TRDMT1: variants seen among roughly 807,000 people sequenced by gnomAD.
The protein encoded by TRDMT1 is tRNA aspartic acid methyltransferase 1.
In TRDMT1, 49 loss-of-function variants were observed where a neutral mutation model predicts 51.2. The ratio of observed to expected loss-of-function variants is 0.96; its 90% CI spans 0.76 to 1.21. TRDMT1 has a LOEUF of 1.21. TRDMT1 is among the 50% of genes most tolerant of loss of function. TRDMT1 has a pLI of 0.00. For synonymous variants in TRDMT1, 187 were observed against 164.6 expected, an observed-to-expected ratio of 1.14 and a Z score of -1.04; for missense variants, 534 against 462.3, an observed-to-expected ratio of 1.16 and a Z score of -1.42.
chr10:17,187,442 C>G (rs1002490486), intron 1 of TRDMT1, among the ~76,000 whole-genome samples: 2 of 152,090 alleles, frequency 1.3e-5, no homozygotes, highest in Non-Finnish European at 2.9e-5. Flanking sequence ...ATTTGACAAT[C>G]ATCAACAACC....
intron 10 of TRDMT1, chr10:17,150,226 ATAAC>A (rs766932276): frequency 3.2e-5 from 7 of 216,602 alleles, no homozygotes; most frequent in Non-Finnish European, 4.7e-5. Context: ...CATTTCCCTA[ATAAC>A]TAACTAACAT....
At chr10:17,165,055 T>C (rs1210300015) in intron 3 of TRDMT1, among the ~76,000 whole-genome samples, 1 of 152,176 alleles carries the variant, frequency 6.6e-6, no homozygotes, top group African/African-American at 2.4e-5. Context: ...AGAGCCCACA[T>C]TGCCAAGTCA....
rs1402194895 is a variant in TRDMT1, at chr10:17,152,067, T to C, written c.1075+1440A>G. 4 of 1,301,830 alleles carry C rather than the reference T, an allele frequency of 3.1e-6. No homozygotes were observed. The Admixed American group carries it at 6.9e-5, about 23-fold the overall frequency. The allele number at this position is 1,301,830 out of a possible 1,614,324, so 80.6% of individuals were successfully genotyped here. ...CATTTTAATTGAATAGTTAATCTCT[T>C]TTCTGTCTTCAAGAGTATGTCTGAT... On this transcript the variant is annotated intron_variant, in intron 10 of 10. Transcript: ENST00000377799.
rs1837764563 is a variant in TRDMT1, at chr10:17,142,513, A to G, written c.*6527T>C. On this transcript the variant is annotated 3_prime_UTR_variant, in exon 11 of 11. Transcript: ENST00000377799. ...AGAAGGGAGTCTCAGGCTCAGGGTA[A>G]TAAAAAATCTTCCTGGGTTAGATGC... 1 of 152,204 alleles carries G rather than the reference A, an allele frequency of 6.6e-6. No homozygotes were observed. The highest frequency in any genetic ancestry group is 2.1e-4 in the South Asian group (1 of 4,826). 9.4% of individuals were successfully genotyped at this position (152,204 alleles called of 1,614,324 possible).
intron 1 of TRDMT1, among the ~76,000 whole-genome samples, chr10:17,191,054 T>A (rs537853333): frequency 6.6e-6 from 1 of 152,090 alleles, no homozygotes; most frequent in Non-Finnish European, 1.5e-5. Flanking sequence ...GAGAAGCACT[T>A]TCTAGGACAG....
In TRDMT1 at chr10:17,139,848, T is replaced by C. The variant is rs1434616847; in HGVS notation, c.*9192A>G. Among the ~76,000 whole-genome samples, 1 of 152,112 alleles carries C rather than the reference T, an allele frequency of 6.6e-6. No individual in the cohort carries two copies. The highest frequency in any genetic ancestry group is 1.5e-5 in the Non-Finnish European group (1 of 68,026). ...TCTGTCTTTTTCAATGCCGTTATTC[T>C]AAGATCTATAAAAAACAACACCTTT... On this transcript the variant is annotated 3_prime_UTR_variant, in exon 11 of 11. Coordinates refer to ENST00000377799, the MANE Select transcript of TRDMT1 (RefSeq NM_004412.7).
intron 2 of TRDMT1, 50 bp downstream of exon 2, chr10:17,174,501 A>C (rs1168467465): frequency 4.6e-6 from 6 of 1,315,380 alleles, no homozygotes; most frequent in Non-Finnish European, 6.6e-6. Flanking sequence ...AGTGTTTTTC[A>C]ATCACATTTC....
At chr10:17,174,711 T>C (rs867610333) in intron 1 of TRDMT1, 51 bp from the exon 2 acceptor site, 9 of 1,327,576 alleles carry the variant, frequency 6.8e-6, no homozygotes, top group South Asian at 2.5e-5. Flanking sequence ...AAGTTCATTA[T>C]AGAAAGAAAT....
Position 17,174,606 on chromosome 10 carries a change from T to C in TRDMT1, c.119A>G (p.Asn40Ser). 6.2e-7 allele frequency: 1 copy of C among 1,614,116 alleles called. No individual in the cohort carries two copies. The highest frequency in any genetic ancestry group is 8.5e-7 in the Non-Finnish European group (1 of 1,179,984). The stretch of plus-strand genomic sequence containing the variant: ...AGGAAAATTATACTTGTATACTTCA[T>C]TAGCGACAGTGTTGACATCAATGGC... ...VAAIDVNTVANEVYKYNFPHT... is the reference protein window; with the variant it reads ...VAAIDVNTVASEVYKYNFPHT... The change falls in exon 2 of 11, where the codon AAT becomes AGT. Residue 40 changes from asparagine to serine, a missense_variant. Asn to Ser is a conservative substitution (Grantham distance 46). Transcript: ENST00000377799.
chr10:17,200,636 C>T lies in TRDMT1; in HGVS notation c.64+935G>A, dbSNP rs371355186. On this transcript the variant is annotated intron_variant, in intron 1 of 10. Coordinates refer to ENST00000377799, the MANE Select transcript of TRDMT1 (RefSeq NM_004412.7). ...TCAAAGCCTGTTTGTCATTCTGTAT[C>T]CCCAGCTCCTAGCACAAAATCTGGC... 4.9e-5 allele frequency: 8 copies of T among 164,252 alleles called. No homozygotes were observed. The East Asian group carries it at 1.5e-3, about 32-fold the overall frequency. The allele number at this position is 164,252 out of a possible 1,614,324, so 10.2% of individuals were successfully genotyped here. A position where few individuals can be genotyped will look rare whatever the true frequency, so the allele number is the denominator to read the frequency against.
intron 2 of TRDMT1, chr10:17,169,620 T>C: frequency 4.4e-6 from 4 of 914,088 alleles, no homozygotes; most frequent in Non-Finnish European, 6.2e-6. Context: ...TGCACATCTT[T>C]AGCTAGAAAC....
intron 2 of TRDMT1, among the ~76,000 whole-genome samples, chr10:17,173,383 A>G (rs563624083): frequency 6.6e-6 from 1 of 152,362 alleles, no homozygotes; most frequent in African/African-American, 2.4e-5. Flanking sequence ...TTATTGATAT[A>G]CAACAAAACA....
intron 1 of TRDMT1, among the ~76,000 whole-genome samples, chr10:17,188,869 AATTT>A (rs1844305544): frequency 6.6e-6 from 1 of 152,186 alleles, no homozygotes; most frequent in African/African-American, 2.4e-5. Flanking sequence ...TTTATAAAGT[AATTT>A]TCAAAAGGCT....
intron 1 of TRDMT1, among the ~76,000 whole-genome samples, chr10:17,190,133 A>G (rs1056052646): frequency 1.3e-5 from 2 of 152,132 alleles, no homozygotes; most frequent in African/African-American, 2.4e-5. Context: ...TCCAACATAC[A>G]CTTTACCTAG....
At position 17,147,312 on chromosome 10, in the gene TRDMT1, C is replaced by T; in HGVS notation, c.*1728G>A. On this transcript the variant is annotated 3_prime_UTR_variant, in exon 11 of 11. Coordinates refer to ENST00000377799, the MANE Select transcript of TRDMT1 (RefSeq NM_004412.7). Reference sequence around the variant, plus strand: ...GATAGTGATAGTTTCTGTATATGGGCTGGCTTACAGCTTCCCTACATTCAT... The same window carrying T: ...GATAGTGATAGTTTCTGTATATGGGTTGGCTTACAGCTTCCCTACATTCAT... 1.0e-6 allele frequency: 1 copy of T among 985,498 alleles called. No individual in the cohort carries two copies. Among genetic ancestry groups the T allele is most frequent in the Non-Finnish European group, 1.2e-6 (1 of 829,884 alleles). The allele number at this position is 985,498 out of a possible 1,614,324, so 61.0% of individuals were successfully genotyped here.
chr10:17,146,186 A>G lies in TRDMT1; in HGVS notation c.*2854T>C. 1.0e-6 allele frequency: 1 copy of G among 985,454 alleles called. No individual in the cohort carries two copies. The highest frequency in any genetic ancestry group is 1.2e-6 in the Non-Finnish European group (1 of 829,930). 61.0% of individuals were successfully genotyped at this position (985,454 alleles called of 1,614,324 possible). A position where few individuals can be genotyped will look rare whatever the true frequency, so the allele number is the denominator to read the frequency against. On this transcript the variant is annotated 3_prime_UTR_variant, in exon 11 of 11. Coordinates refer to ENST00000377799, the MANE Select transcript of TRDMT1 (RefSeq NM_004412.7). ...CAGTTTACCCTCAAATTTCTAAAAA[A>G]GTGCTGGGTGGACCCTCACTGTTCA...
At chr10:17,181,305 A>G (rs1843255739) in intron 1 of TRDMT1, among the ~76,000 whole-genome samples, 1 of 152,136 alleles carries the variant, frequency 6.6e-6, no homozygotes, top group Non-Finnish European at 1.5e-5. Flanking sequence ...CGGACCATGA[A>G]GGCTGATCCG....
Position 17,148,417 on chromosome 10 carries a change from A to G in TRDMT1, c.*623T>C. 1.0e-6 allele frequency: 1 copy of G among 985,464 alleles called. No individual in the cohort carries two copies. The highest frequency in any genetic ancestry group is 1.2e-6 in the Non-Finnish European group (1 of 829,926). The allele number at this position is 985,464 out of a possible 1,614,324, so 61.0% of individuals were successfully genotyped here. A position where few individuals can be genotyped will look rare whatever the true frequency, so the allele number is the denominator to read the frequency against. On this transcript the variant is annotated 3_prime_UTR_variant, in exon 11 of 11. Transcript: ENST00000377799. ...AGTTTTGTCCTTCAGATAGAGGCTG[A>G]GGAAAATGTAGATAATGTGCACCAA...
chr10:17,149,166 G>C, intron 10 of TRDMT1, 26 bp from the exon 11 acceptor site: 1 of 1,551,464 alleles, frequency 6.4e-7, no homozygotes, highest in Non-Finnish European at 8.8e-7. Context: ...ACAATTTAAA[G>C]AAATCATTTG....
Sources: allele counts gnomAD v4.1 joint callset (sites outside exome capture counted in the v4.1 genomes callset), GRCh38; gene constraint gnomAD v4.1.1; transcripts MANE v1.5; gene names NCBI Gene and HGNC (gene_info 2026-07-23, HGNC 2026-07-21).